GRIN2A: variants seen among roughly 807,000 people sequenced by gnomAD.
GRIN2A encodes glutamate ionotropic receptor NMDA type subunit 2A, also known as glutamate receptor ionotropic, NMDA 2A.
Under a neutral mutation model 113.4 loss-of-function variants are expected in GRIN2A, and 22 were observed. That is an observed-to-expected ratio of 0.19 (90% CI 0.14 to 0.28). The LOEUF is 0.28. Ranked by LOEUF, GRIN2A falls within the 10% of genes least tolerant of loss-of-function variation. The probability of loss-of-function intolerance (pLI) is 1.00; values close to 1 mark genes in which losing one functional copy is unlikely to be tolerated. For synonymous variants in GRIN2A, 827 were observed against 738.4 expected (o/e 1.12, Z -1.94); for missense variants, 1,502 against 1,887.0 (o/e 0.80, Z 3.78).
chr16:9,848,784 A>G (rs183337320), intron 5 of GRIN2A, among the ~76,000 whole-genome samples: 112 of 103,912 alleles, frequency 1.1e-3, no homozygotes, highest in African/African-American at 5.8e-3. Context: ...TTATATATTT[A>G]AATATATAAA....
intron 4 of GRIN2A, among the ~76,000 whole-genome samples, chr16:9,874,419 G>A (rs1225862707): frequency 2.6e-5 from 4 of 152,322 alleles, no homozygotes; most frequent in Admixed American, 1.3e-4. Flanking sequence ...ACATCTCAGT[G>A]GGATGCTCTG....
chr16:10,019,051 G>T (rs981044708), intron 2 of GRIN2A, among the ~76,000 whole-genome samples: 1 of 146,798 alleles, frequency 6.8e-6, no homozygotes, highest in African/African-American at 2.6e-5. Context: ...CCAAGGAAGT[G>T]TTGATCTCCA....
At chr16:9,979,818 T>TATATATATATATATATATAC (rs1567213718) in intron 2 of GRIN2A, among the ~76,000 whole-genome samples, 1 of 134,364 alleles carries the variant, frequency 7.4e-6, no homozygotes, top group Non-Finnish European at 1.6e-5. Context: ...TATATGTATA[T>TATATATATATATATATATAC]GTATGTATTT....
chr16:9,859,844 G>C (rs2043033339), intron 4 of GRIN2A, among the ~76,000 whole-genome samples: 1 of 151,968 alleles, frequency 6.6e-6, no homozygotes, highest in African/African-American at 2.4e-5. Context: ...TCTCCATCTG[G>C]AATTCATTTT....
intron 5 of GRIN2A, among the ~76,000 whole-genome samples, chr16:9,842,549 G>GA (rs1249634181): frequency 6.6e-6 from 1 of 152,102 alleles, no homozygotes; most frequent in Non-Finnish European, 1.5e-5. Context: ...CATGTCATAT[G>GA]AAAAAAGTAG....
rs568790272 is a variant in GRIN2A, at chr16:9,825,891, C to A, written c.2008-3467G>T. 5.3e-5 allele frequency among the ~76,000 whole-genome samples: 8 copies of A among 151,898 alleles called. No homozygotes were observed. The South Asian group carries it at 1.7e-3, about 32-fold the overall frequency. ...TCCCTCCATTGGTTGTCACAAAAGACCAACTCAGTGCAATAACATTTCAGG... is the reference window on the plus strand; with the variant it reads ...TCCCTCCATTGGTTGTCACAAAAGAACAACTCAGTGCAATAACATTTCAGG... On this transcript the variant is annotated intron_variant, in intron 9 of 12. Coordinates refer to ENST00000330684, the MANE Select transcript of GRIN2A (RefSeq NM_001134407.3).
chr16:10,042,093 A>C (rs1414280591), intron 2 of GRIN2A, among the ~76,000 whole-genome samples: 1 of 152,134 alleles, frequency 6.6e-6, no homozygotes, highest in Non-Finnish European at 1.5e-5. Flanking sequence ...GGTGGCTCCA[A>C]AAAAAGCACT....
At chr16:10,179,893 C>CCCAAAAAAAAAAAAAAA in intron 2 of GRIN2A, 105 bp downstream of exon 2, 5 of 719,804 alleles carry the variant, frequency 6.9e-6, no homozygotes, top group Non-Finnish European at 9.5e-6. Flanking sequence ...CCCCCACCCC[C>CCCAAAAAAAAAAAAAAA]ACTTCACATC....
intron 2 of GRIN2A, among the ~76,000 whole-genome samples, chr16:9,976,698 A>G (rs1362104450): frequency 6.6e-6 from 1 of 152,208 alleles, no homozygotes; most frequent in African/African-American, 2.4e-5. Flanking sequence ...CCGGCACTCT[A>G]ATTCCAGTAA....
At chr16:9,898,384 C>T (rs2043849712) in intron 3 of GRIN2A, among the ~76,000 whole-genome samples, 1 of 152,178 alleles carries the variant, frequency 6.6e-6, no homozygotes, top group Admixed American at 6.5e-5. Flanking sequence ...GCATAAGCTT[C>T]TTTAACTATG....
At chr16:10,066,901 A>G (rs1163383384) in intron 2 of GRIN2A, among the ~76,000 whole-genome samples, 2 of 152,236 alleles carry the variant, frequency 1.3e-5, no homozygotes, top group East Asian at 3.8e-4. Context: ...TGACAGAAGA[A>G]CAGGTAAACA....
chr16:10,078,429 T>C (rs2142048939), intron 2 of GRIN2A, among the ~76,000 whole-genome samples: 1 of 151,958 alleles, frequency 6.6e-6, no homozygotes, highest in African/African-American at 2.4e-5. Context: ...GAAAGTCCTC[T>C]TTCCAGCATG....
In GRIN2A at chr16:9,829,649, G is replaced by A. The variant is rs1331281411; in HGVS notation, c.1781C>T (p.Pro594Leu). 9 of 1,609,070 alleles carry A rather than the reference G, an allele frequency of 5.6e-6. No homozygotes were observed. Among genetic ancestry groups the A allele is most frequent in the Non-Finnish European group, 6.0e-6 (7 of 1,175,670 alleles). ...TCCAATTGTAAAAGAAGGCCCATGG[G>A]GTGCTGCAGAAGATGAAAAGGACAT... Reference protein sequence around the residue: ...YNRNLAKGKAPHGPSFTIGKA... With the variant: ...YNRNLAKGKALHGPSFTIGKA... Residue 594 changes from proline (P) to leucine (L), a missense_variant, in exon 9 of 13, where the codon CCC becomes CTC. This residue lies in a region of GRIN2A where 82 missense variants were observed against 222.7 expected (regional missense o/e 0.37). Transcript: ENST00000330684.
chr16:9,926,421 C>T (rs2044465119), intron 3 of GRIN2A, among the ~76,000 whole-genome samples: 1 of 152,186 alleles, frequency 6.6e-6, no homozygotes, highest in East Asian at 1.9e-4. Flanking sequence ...TATATGATTT[C>T]ACCTGCAGCT....
At chr16:9,976,828 C>A (rs938896702) in intron 2 of GRIN2A, among the ~76,000 whole-genome samples, 1 of 152,188 alleles carries the variant, frequency 6.6e-6, no homozygotes, top group Non-Finnish European at 1.5e-5. Flanking sequence ...ACTATCCATC[C>A]GGTGGCCAGC....
At chr16:9,901,544 CCA>C (rs1181839625) in intron 3 of GRIN2A, among the ~76,000 whole-genome samples, 1 of 152,156 alleles carries the variant, frequency 6.6e-6, no homozygotes, top group Non-Finnish European at 1.5e-5. Flanking sequence ...ACTGCAAACT[CCA>C]CATCCCGGGT....
intron 2 of GRIN2A, among the ~76,000 whole-genome samples, chr16:10,043,654 T>G (rs1373557258): frequency 6.6e-6 from 1 of 152,090 alleles, no homozygotes; most frequent in Non-Finnish European, 1.5e-5. Flanking sequence ...GAACCCCCAC[T>G]GTACTGATAA....
intron 2 of GRIN2A, among the ~76,000 whole-genome samples, chr16:9,949,348 G>A (rs751258120): frequency 1.9e-4 from 29 of 152,132 alleles, no homozygotes; most frequent in Non-Finnish European, 3.4e-4. Context: ...CGGATGAATA[G>A]ATTGGATGGA....
intron 4 of GRIN2A, among the ~76,000 whole-genome samples, chr16:9,872,791 GT>G (rs2043292411): frequency 1.3e-5 from 2 of 152,132 alleles, no homozygotes; most frequent in South Asian, 4.1e-4. Context: ...GAGAGGCCAA[GT>G]GGAGGGGTGG....
Sources: allele counts gnomAD v4.1 joint callset (sites outside exome capture counted in the v4.1 genomes callset), GRCh38; gene constraint gnomAD v4.1.1; regional missense constraint gnomAD v4.1.1; transcripts MANE v1.5; gene names NCBI Gene and HGNC (gene_info 2026-07-23, HGNC 2026-07-21).